Variants in TENM2 observed in about 807,000 individuals in gnomAD.
TENM2 encodes teneurin transmembrane protein 2.
TENM2 carries 52 observed loss-of-function variants against 245.2 expected under a neutral mutation model. That is an observed-to-expected ratio of 0.21 (90% CI 0.17 to 0.27). The LOEUF (loss-of-function observed/expected upper bound fraction) is 0.27. Ranked by LOEUF, TENM2 falls within the 10% of genes least tolerant of loss-of-function variation. TENM2 has a pLI of 1.00. For missense variants in TENM2, 3,046 were observed against 3,666.8 expected, an observed-to-expected ratio of 0.83 and a Z score of 4.37; for synonymous variants, 1,363 against 1,438.9, an observed-to-expected ratio of 0.95 and a Z score of 1.19.
intron 1 of TENM2, among the ~76,000 whole-genome samples, chr5:167,349,087 T>C (rs1395872673): frequency 6.6e-6 from 1 of 152,206 alleles, no homozygotes; most frequent in Non-Finnish European, 1.5e-5. Flanking sequence ...TTAGTAAATT[T>C]CTAAGCTGTT....
At chr5:167,109,373 C>A in the TENM2 span, among the ~76,000 whole-genome samples, 1 of 151,228 alleles carries the variant, frequency 6.6e-6, no homozygotes, top group Non-Finnish European at 1.5e-5. Flanking sequence ...ATTTCTGAAA[C>A]TATTGCTTGT....
rs570721303 is a variant in TENM2, at chr5:168,024,808, C to T, written c.1187-22619C>T. ...AAGAGCAGTTTGGAAGAGGGTTTTACGTGCGGATTTGTGAGTCCTTGGTTC... is the reference window on the plus strand; with the variant it reads ...AAGAGCAGTTTGGAAGAGGGTTTTATGTGCGGATTTGTGAGTCCTTGGTTC... On this transcript the variant is annotated intron_variant, in intron 5 of 28. Transcript: ENST00000518659. Among the ~76,000 whole-genome samples, 9 of 152,306 alleles carry T rather than the reference C, an allele frequency of 5.9e-5. No homozygotes were observed. The South Asian group carries it at 6.2e-4, about 11-fold the overall frequency.
intron 2 of TENM2, among the ~76,000 whole-genome samples, chr5:167,702,093 G>T (rs1758177890): frequency 6.6e-6 from 1 of 152,086 alleles, no homozygotes; most frequent in Non-Finnish European, 1.5e-5. Flanking sequence ...GAAAAGATCT[G>T]GAAAAGGATT....
At chr5:167,618,382 A>C (rs1777933976) in intron 2 of TENM2, among the ~76,000 whole-genome samples, 1 of 152,038 alleles carries the variant, frequency 6.6e-6, no homozygotes, top group African/African-American at 2.4e-5. Context: ...TTATTCTGTT[A>C]AATGGTGAGT....
intron 2 of TENM2, among the ~76,000 whole-genome samples, chr5:167,818,228 C>T (rs1254359063): frequency 6.6e-6 from 1 of 152,152 alleles, no homozygotes; most frequent in East Asian, 1.9e-4. Context: ...TTATTGACAT[C>T]TCTGTCATGG....
chr5:167,952,647 C>T, exon 4 of TENM2: 2 of 1,613,270 alleles, frequency 1.2e-6, no homozygotes, highest in South Asian at 1.1e-5. Context: ...CCCTCACAAC[C>T]ACACGCTGTC....
At chr5:167,279,536 T>TCCTTCCTTC in the TENM2 span, among the ~76,000 whole-genome samples, 12 of 145,682 alleles carry the variant, frequency 8.2e-5, no homozygotes, top group African/African-American at 3.1e-4. Context: ...CTTCCTTCCT[T>TCCTTCCTTC]CCTTCCTTCC....
the TENM2 span, among the ~76,000 whole-genome samples, chr5:167,238,493 G>A: frequency 6.6e-6 from 1 of 152,128 alleles, no homozygotes; most frequent in South Asian, 2.1e-4. Flanking sequence ...AAGAGAGAGT[G>A]TTCTCAAAAT....
chr5:167,962,487 G>T (rs1322725390), intron 4 of TENM2, among the ~76,000 whole-genome samples: 1 of 152,148 alleles, frequency 6.6e-6, no homozygotes, highest in African/African-American at 2.4e-5. Context: ...GAAAATTCTA[G>T]TCATAGTCCA....
At chr5:167,713,711 C>A (rs372398032) in intron 2 of TENM2, among the ~76,000 whole-genome samples, 1 of 152,208 alleles carries the variant, frequency 6.6e-6, no homozygotes, top group Non-Finnish European at 1.5e-5. Flanking sequence ...CACACATGCA[C>A]GTACATGCAT....
In TENM2 at chr5:167,491,465, T is replaced by C. The variant is rs1768424686; in HGVS notation, c.502+115992T>C. 2.6e-5 allele frequency among the ~76,000 whole-genome samples: 4 copies of C among 152,256 alleles called. No individual in the cohort carries two copies. In the South Asian group the frequency reaches 8.3e-4, roughly 32 times the overall value. On this transcript the variant is annotated intron_variant, in intron 2 of 28. Coordinates refer to ENST00000518659, the Ensembl canonical transcript of TENM2. ...GAAAATTTAACACTCAACATCAGTT[T>C]TTATAGTGATCCACCAGCCACTATG...
At chr5:167,419,129 G>GTAGATAGATAGATAGATAGATAGATAGA (rs55794859) in intron 2 of TENM2, among the ~76,000 whole-genome samples, 72 of 150,390 alleles carry the variant, frequency 4.8e-4, no homozygotes, top group South Asian at 1.1e-3. Context: ...AGATGTGTAT[G>GTAGATAGATAGATAGATAGATAGATAGA]TAGATAGATA....
chr5:167,299,933 C>T (rs1054563710), intron 1 of TENM2, among the ~76,000 whole-genome samples: 4 of 152,114 alleles, frequency 2.6e-5, no homozygotes, highest in South Asian at 2.1e-4. Context: ...TTGGAAGTTA[C>T]GAGAAATGTA....
chr5:167,003,750 A>G, the TENM2 span, among the ~76,000 whole-genome samples: 1 of 152,202 alleles, frequency 6.6e-6, no homozygotes, highest in African/African-American at 2.4e-5. Flanking sequence ...CTATAGTAAA[A>G]TGTAGTGACT....
At chr5:168,254,856 G>C (rs4976587) in intron 27 of TENM2, among the ~76,000 whole-genome samples, 44,271 of 151,942 alleles carry the variant, frequency 0.29, 7,874 homozygotes, top group Non-Finnish European at 0.38. Flanking sequence ...AGACCAGCCT[G>C]GCCAACATAG....
At chr5:168,093,936 T>C (rs1793153438) in intron 8 of TENM2, among the ~76,000 whole-genome samples, 1 of 152,026 alleles carries the variant, frequency 6.6e-6, no homozygotes, top group South Asian at 2.1e-4. Flanking sequence ...AAAATACTCT[T>C]TATTATAATT....
intron 25 of TENM2, chr5:168,230,959 G>A (rs926750418): frequency 1.3e-5 from 2 of 152,216 alleles, no homozygotes; most frequent in African/African-American, 4.8e-5. Flanking sequence ...GTAACACATC[G>A]CAGTCCAAAT....
intron 25 of TENM2, among the ~76,000 whole-genome samples, chr5:168,237,499 C>T (rs1765609735): frequency 6.6e-6 from 1 of 151,994 alleles, no homozygotes. Flanking sequence ...TCACCAGTTC[C>T]CAGGCTATTA....
At chr5:167,420,631 G>T (rs1187036065) in intron 2 of TENM2, among the ~76,000 whole-genome samples, 1 of 152,018 alleles carries the variant, frequency 6.6e-6, no homozygotes, top group Admixed American at 6.6e-5. Flanking sequence ...TCTCCTTCAA[G>T]TTCAGATGTC....
Sources: allele counts gnomAD v4.1 joint callset (sites outside exome capture counted in the v4.1 genomes callset), GRCh38; gene constraint gnomAD v4.1.1; transcripts MANE v1.5; gene names NCBI Gene and HGNC (gene_info 2026-07-23, HGNC 2026-07-21).